Variants in SLC6A9 observed in about 807,000 individuals in gnomAD.
The protein encoded by SLC6A9 is sodium- and chloride-dependent glycine transporter 1.
SLC6A9 carries 31 observed loss-of-function variants against 70.9 expected under a neutral mutation model. That is an observed-to-expected ratio of 0.44 (90% CI 0.33 to 0.59). The LOEUF (loss-of-function observed/expected upper bound fraction) is 0.59. SLC6A9 is among the 20% of genes least tolerant of loss of function. The pLI is 0.04. For missense variants in SLC6A9, 631 were observed against 845.2 expected (o/e 0.75, Z 3.14); for synonymous variants, 310 against 341.3 (o/e 0.91, Z 1.01).
intron 2 of SLC6A9, among the ~76,000 whole-genome samples, chr1:44,022,479 T>C (rs2086901328): frequency 6.6e-6 from 1 of 152,090 alleles, no homozygotes; most frequent in African/African-American, 2.4e-5. Context: ...TCTGGGCCCA[T>C]TTCTGAGCAC....
chr1:44,013,320 CT>C lies in SLC6A9; in HGVS notation c.31-2439del, dbSNP rs2086635049. 6.6e-6 allele frequency among the ~76,000 whole-genome samples: 1 copy of C among 152,248 alleles called. No individual in the cohort carries two copies. Among genetic ancestry groups the C allele is most frequent in the African/African-American group, 2.4e-5 (1 of 41,464 alleles). ...ACATTTGGATCCCTGAAGTCTGCTC[CT>C]TCCCTGGCAGGGGGAGGTACGGGGA... On this transcript the variant is annotated intron_variant, in intron 2 of 13. Coordinates refer to ENST00000372310, the MANE Select transcript of SLC6A9 (RefSeq NM_001024845.3). This position sits in a 1 kb window ranked among gnomAD's most constrained non-coding sequence, Gnocchi z 5.3.
intron 3 of SLC6A9, chr1:44,010,456 C>CGGGGGGG (rs61601279): frequency 3.6e-5 from 2 of 54,818 alleles, no homozygotes; most frequent in Non-Finnish European, 1.1e-4. Context: ...GCCTTGTGGG[C>CGGGGGGG]GGGGGGGGGG....
intron 3 of SLC6A9, 89 bp downstream of exon 3, chr1:44,010,637 G>A: frequency 3.1e-6 from 4 of 1,309,604 alleles, no homozygotes; most frequent in Non-Finnish European, 4.3e-6. Flanking sequence ...TTTATCTGGA[G>A]TGGGTCTGTG....
At chr1:44,030,195 C>A (rs530480321) in intron 1 of SLC6A9, among the ~76,000 whole-genome samples, 4 of 152,254 alleles carry the variant, frequency 2.6e-5, no homozygotes, top group South Asian at 4.1e-4. Flanking sequence ...CCCGCAGCGT[C>A]CCGGTTCCTC....
chr1:44,003,311 C>G (rs990241806), intron 5 of SLC6A9, among the ~76,000 whole-genome samples: 28 of 152,380 alleles, frequency 1.8e-4, no homozygotes, highest in African/African-American at 6.7e-4. Context: ...GGGCTCAGCC[C>G]AGGTCCTTGT....
At chr1:44,010,469 G>GGT (rs1557682564) in intron 3 of SLC6A9, 5 of 254,118 alleles carry the variant, frequency 2.0e-5, no homozygotes, top group East Asian at 1.6e-4. Flanking sequence ...GGGGGGGGGG[G>GGT]GGTTAGGTCC....
intron 2 of SLC6A9, among the ~76,000 whole-genome samples, chr1:44,019,428 C>T (rs1343731162): frequency 1.3e-5 from 2 of 152,254 alleles, no homozygotes. Context: ...CTGAGCCAGC[C>T]TCATGCGCCT....
At chr1:44,003,366 G>C (rs1239044434) in intron 5 of SLC6A9, among the ~76,000 whole-genome samples, 1 of 152,208 alleles carries the variant, frequency 6.6e-6, no homozygotes, top group Non-Finnish European at 1.5e-5. Flanking sequence ...CATTCTGTCA[G>C]GTGTCACCTC....
At chr1:44,024,399 C>T (rs1015259551) in intron 1 of SLC6A9, 37 bp from the exon 2 acceptor site, 10 of 1,286,622 alleles carry the variant, frequency 7.8e-6, no homozygotes, top group East Asian at 4.6e-5. Flanking sequence ...AGGACTTGGC[C>T]GTGTGGCCCA....
chr1:44,005,072 G>A (rs1224711250), intron 5 of SLC6A9, among the ~76,000 whole-genome samples: 6 of 152,294 alleles, frequency 3.9e-5, no homozygotes, highest in South Asian at 2.1e-4. Context: ...TAGGTATCAC[G>A]ACTGCCCAAT....
chr1:44,029,213 T>C (rs796544815), intron 1 of SLC6A9, among the ~76,000 whole-genome samples: 15 of 152,356 alleles, frequency 9.8e-5, no homozygotes, highest in African/African-American at 2.9e-4. Flanking sequence ...CGGTCCATCT[T>C]GGCCAAGCCC....
At chr1:44,010,408 T>A in intron 3 of SLC6A9, 1 of 362,298 alleles carries the variant, frequency 2.8e-6, no homozygotes, top group Non-Finnish European at 5.0e-6. Context: ...CCTGAACCAT[T>A]TAGGGGGGCT....
rs1173613373 is a variant in SLC6A9, at chr1:44,013,384, G to A, written c.31-2502C>T. Among the ~76,000 whole-genome samples, 2 of 152,220 alleles carry A rather than the reference G, an allele frequency of 1.3e-5. No individual in the cohort carries two copies. The highest frequency in any genetic ancestry group is 2.4e-5 in the African/African-American group (1 of 41,464). On this transcript the variant is annotated intron_variant, in intron 2 of 13. Transcript: ENST00000372310. The surrounding 1 kb of genome is among the most constrained non-coding windows in gnomAD (Gnocchi z 5.3). Reference sequence around the variant, plus strand: ...TTCCAGCCACGTGCCACAGACAGCCGCCTGCCTGAGCCCTCAAGAGCCAGC... The same window carrying A: ...TTCCAGCCACGTGCCACAGACAGCCACCTGCCTGAGCCCTCAAGAGCCAGC...
chr1:44,014,596 CCA>C (rs2086679714), intron 2 of SLC6A9: 1 of 152,016 alleles, frequency 6.6e-6, no homozygotes, highest in Non-Finnish European at 1.5e-5. Flanking sequence ...GCTGGGAGAG[CCA>C]CACTGAGCAA....
chr1:44,017,371 ACACAC>A, intron 2 of SLC6A9: 1 of 84,364 alleles, frequency 1.2e-5, no homozygotes, highest in Non-Finnish European at 1.4e-5. Flanking sequence ...CTGGAACAAC[ACACAC>A]ACACACACAC....
intron 1 of SLC6A9, among the ~76,000 whole-genome samples, chr1:44,027,364 G>C (rs1046790523): frequency 6.6e-6 from 1 of 152,178 alleles, no homozygotes; most frequent in Admixed American, 6.5e-5. Context: ...TAGTTTCCTC[G>C]TAAGTTCTGA....
intron 5 of SLC6A9, among the ~76,000 whole-genome samples, chr1:44,004,384 A>C (rs984887007): frequency 6.7e-6 from 1 of 150,350 alleles, no homozygotes; most frequent in African/African-American, 2.5e-5. Context: ...CTTGCTCTAT[A>C]GCCCAGGCTG....
chr1:44,016,929 C>A, intron 2 of SLC6A9: 1 of 1,037,086 alleles, frequency 9.6e-7, no homozygotes, highest in East Asian at 3.0e-5. Context: ...GTCTTGCTTG[C>A]TGGCTGTGCC....
intron 1 of SLC6A9, among the ~76,000 whole-genome samples, chr1:44,025,635 A>G (rs1425293412): frequency 3.9e-5 from 6 of 151,960 alleles, no homozygotes; most frequent in Admixed American, 1.3e-4. Context: ...CCCTGTCTCT[A>G]CTAAAATTAC....
Sources: allele counts gnomAD v4.1 joint callset (sites outside exome capture counted in the v4.1 genomes callset), GRCh38; gene constraint gnomAD v4.1.1; non-coding constraint Gnocchi (gnomAD v3.1); transcripts MANE v1.5; gene names NCBI Gene and HGNC (gene_info 2026-07-23, HGNC 2026-07-21).